Variants in PDIA3 observed in about 807,000 individuals in gnomAD.
PDIA3 encodes the protein protein disulfide isomerase family A member 3.
Under a neutral mutation model 56.9 loss-of-function variants are expected in PDIA3, and 16 were observed. The observed-to-expected ratio is 0.28, with a 90% CI of 0.19 to 0.43. The LOEUF (loss-of-function observed/expected upper bound fraction) is 0.43, where lower values mean the gene tolerates loss of function less well. Ranked by LOEUF, PDIA3 falls within the 20% of genes least tolerant of loss-of-function variation. PDIA3 has a pLI of 1.00. For missense variants in PDIA3, 485 were observed against 621.3 expected, an observed-to-expected ratio of 0.78 and a Z score of 2.33; for synonymous variants, 192 against 216.5, an observed-to-expected ratio of 0.89 and a Z score of 0.99.
At chr15:43,748,535 T>G (rs904903024) in intron 1 of PDIA3, among the ~76,000 whole-genome samples, 3 of 152,092 alleles carry the variant, frequency 2.0e-5, no homozygotes, top group Admixed American at 1.3e-4. Context: ...CTACTTTAAA[T>G]TGTTACACGT....
At chr15:43,757,643 G>A (rs373020644) in intron 3 of PDIA3, among the ~76,000 whole-genome samples, 4 of 151,056 alleles carry the variant, frequency 2.6e-5, no homozygotes, top group African/African-American at 7.3e-5. Flanking sequence ...GGCAGATCAC[G>A]AGGTCAGGAA....
intron 1 of PDIA3, chr15:43,751,635 C>T: frequency 7.7e-7 from 1 of 1,304,214 alleles, no homozygotes; most frequent in Non-Finnish European, 1.0e-6. Context: ...CTCATTGAAA[C>T]TCTTTTTGTG....
intron 1 of PDIA3, among the ~76,000 whole-genome samples, chr15:43,749,360 A>G (rs1209599630): frequency 6.6e-6 from 1 of 152,062 alleles, no homozygotes; most frequent in Non-Finnish European, 1.5e-5. Context: ...AAGTGCTGGG[A>G]TTACAGGCGT....
intron 12 of PDIA3, 145 bp from the exon 13 acceptor site, chr15:43,770,960 T>C (rs2086878082): frequency 3.1e-6 from 2 of 635,292 alleles, no homozygotes; most frequent in Middle Eastern, 7.0e-4. Flanking sequence ...ATTGGGTTTA[T>C]TTAACTAAAA....
Position 43,756,761 on chromosome 15 carries a change from C to T in PDIA3, c.359C>T (p.Thr120Ile). ...GCAGGTGCTTATGATGGACCTAGGA[C>T]TGCTGGTAAGGATCCTGAATTACAT... ...EEAGAYDGPR[T>I]ADGIVSHLKK... The change falls in exon 3 of 13, where the codon ACT becomes ATT. Residue 120 changes from threonine to isoleucine, a missense_variant. By Grantham distance (89) the Thr-to-Ile change is moderately conservative. Transcript: ENST00000300289. 6.5e-7 allele frequency: 1 copy of T among 1,531,878 alleles called. No homozygotes were observed. The highest frequency in any genetic ancestry group is 2.2e-4 in the Middle Eastern group (1 of 4,550). 94.9% of individuals were successfully genotyped at this position (1,531,878 alleles called of 1,614,324 possible). A position where few individuals can be genotyped will look rare whatever the true frequency, so the allele number is the denominator to read the frequency against.
intron 9 of PDIA3, 69 bp from the exon 10 acceptor site, chr15:43,769,449 C>G: frequency 1.4e-6 from 2 of 1,459,804 alleles, no homozygotes; most frequent in Non-Finnish European, 1.9e-6. Flanking sequence ...GGGATTGGGT[C>G]TAGGAACAAA....
chr15:43,746,507 C>A lies in PDIA3; in HGVS notation c.-33C>A, dbSNP rs1295673408. 2.6e-6 allele frequency: 4 copies of A among 1,537,878 alleles called. No individual in the cohort carries two copies. The highest frequency in any genetic ancestry group is 3.5e-6 in the Non-Finnish European group (4 of 1,143,490). On this transcript the variant is annotated 5_prime_UTR_variant, in exon 1 of 13. Coordinates refer to ENST00000300289, the MANE Select transcript of PDIA3 (RefSeq NM_005313.5). ...CTCCGCAGTCCCAGCCGAGCCGCGA[C>A]CCTTCCGGCCGTCCCCACCCCACCT...
At chr15:43,768,695 C>T in intron 9 of PDIA3, 98 bp downstream of exon 9, 1 of 779,016 alleles carries the variant, frequency 1.3e-6, no homozygotes. Context: ...CGTTGGCCAT[C>T]TCTTTTTTTT....
chr15:43,769,769 CT>C, intron 10 of PDIA3, 123 bp downstream of exon 10: 1 of 1,054,800 alleles, frequency 9.5e-7, no homozygotes, highest in South Asian at 1.5e-5. Flanking sequence ...CAATTACTTG[CT>C]GTTTACTCAC....
intron 1 of PDIA3, chr15:43,746,954 G>C (rs991334790): frequency 1.1e-5 from 6 of 562,766 alleles, no homozygotes; most frequent in Non-Finnish European, 1.9e-5. Flanking sequence ...CGGTGCTCTT[G>C]TGGCACTTCC....
At chr15:43,758,704 G>A (rs571302922) in intron 3 of PDIA3, among the ~76,000 whole-genome samples, 6 of 151,182 alleles carry the variant, frequency 4.0e-5, no homozygotes, top group Non-Finnish European at 7.4e-5. Context: ...GGCCAGGCAC[G>A]GTAGCTCATG....
chr15:43,771,121 G>A lies in PDIA3; in HGVS notation c.1421G>A (p.Ser474Asn). The A allele has an allele frequency of 6.2e-7, 1 of 1,612,246 alleles. No individual in the cohort carries two copies. Among genetic ancestry groups the A allele is most frequent in the Non-Finnish European group, 8.5e-7 (1 of 1,178,882 alleles). The change falls in exon 13 of 13, where the codon AGT becomes AAT. Residue 474 changes from serine to asparagine, a missense_variant. By Grantham distance (46) the Ser-to-Asn change is conservative (BLOSUM62 1). Transcript: ENST00000300289. ...TGTTTTCAGGGTGGCCGTGAATTAA[G>A]TGATTTTATTAGCTATCTACAAAGA... ...PKKYEGGRELSDFISYLQREA... is the reference protein window; with the variant it reads ...PKKYEGGRELNDFISYLQREA...
intron 9 of PDIA3, among the ~76,000 whole-genome samples, chr15:43,768,918 G>A (rs1163455222): frequency 1.3e-5 from 2 of 152,080 alleles, no homozygotes; most frequent in African/African-American, 4.8e-5. Flanking sequence ...CAGCTACTCG[G>A]GAGGCTGAGG....
At chr15:43,749,258 T>TAA (rs2086728334) in intron 1 of PDIA3, among the ~76,000 whole-genome samples, 1 of 152,006 alleles carries the variant, frequency 6.6e-6, no homozygotes, top group African/African-American at 2.4e-5. Context: ...CAAGCCCGGC[T>TAA]AATTTTTGTA....
At chr15:43,760,167 G>T (rs1048131717) in intron 3 of PDIA3, among the ~76,000 whole-genome samples, 2 of 152,048 alleles carry the variant, frequency 1.3e-5, no homozygotes, top group Non-Finnish European at 2.9e-5. Flanking sequence ...GAGGCAGGTG[G>T]TTTGCTTGAG....
Position 43,765,806 on chromosome 15 carries a change from T to C in PDIA3, c.720-81T>C. 4 of 1,405,242 alleles carry C rather than the reference T, an allele frequency of 2.8e-6. No individual in the cohort carries two copies. The South Asian group carries it at 5.1e-5, about 18-fold the overall frequency. The allele number at this position is 1,405,242 out of a possible 1,614,324, so 87.0% of individuals were successfully genotyped here. On this transcript the variant is annotated intron_variant, in intron 6 of 12. Transcript: ENST00000300289. Reference sequence around the variant, plus strand: ...GTTTAAAATCTCTTTCCTTCATAAATGCTATCAATTATTTTGTGGCAACTT... The same window carrying C: ...GTTTAAAATCTCTTTCCTTCATAAACGCTATCAATTATTTTGTGGCAACTT...
chr15:43,747,705 A>G (rs1447665594), intron 1 of PDIA3, among the ~76,000 whole-genome samples: 1 of 152,172 alleles, frequency 6.6e-6, no homozygotes, highest in African/African-American at 2.4e-5. Flanking sequence ...CTCCTGGCAC[A>G]GTGACCCTTG....
At chr15:43,747,548 T>C (rs1015816492) in intron 1 of PDIA3, among the ~76,000 whole-genome samples, 2 of 152,058 alleles carry the variant, frequency 1.3e-5, no homozygotes, top group African/African-American at 4.8e-5. Context: ...CCCAGTCAAC[T>C]TGAGTGTTTG....
intron 3 of PDIA3, among the ~76,000 whole-genome samples, chr15:43,759,493 C>G (rs1413876160): frequency 6.6e-6 from 1 of 151,748 alleles, no homozygotes; most frequent in Non-Finnish European, 1.5e-5. Context: ...CTAGGACTTG[C>G]TATGCATTCT....
Sources: gnomAD v4.1 joint callset for allele counts (sites outside exome capture counted in the v4.1 genomes callset) on GRCh38, gnomAD v4.1.1 for gene constraint, MANE v1.5 for transcripts, NCBI Gene and HGNC (gene_info 2026-07-23, HGNC 2026-07-21) for gene names.